PKP4: variants seen among roughly 807,000 people sequenced by gnomAD.
PKP4 encodes the protein plakophilin-4.
Under a neutral mutation model 145.1 loss-of-function variants are expected in PKP4, and 90 were observed. The observed-to-expected ratio is 0.62, with a 90% CI of 0.52 to 0.74. The LOEUF is 0.74. Ranked by LOEUF, PKP4 falls within the 30% of genes least tolerant of loss-of-function variation. The pLI, the probability that PKP4 is intolerant of heterozygous loss-of-function variation, is 0.00. For missense variants in PKP4, 1,340 were observed against 1,482.7 expected, an observed-to-expected ratio of 0.90 and a Z score of 1.58; for synonymous variants, 563 against 577.2, an observed-to-expected ratio of 0.98 and a Z score of 0.35.
intron 2 of PKP4, 59 bp downstream of exon 2, chr2:158,533,375 A>G: frequency 6.3e-7 from 1 of 1,578,312 alleles, no homozygotes; most frequent in Non-Finnish European, 8.7e-7. Context: ...TAAAAAATTA[A>G]TCTTTGGATA....
chr2:158,494,348 TA>T (rs1695375343), intron 1 of PKP4, among the ~76,000 whole-genome samples: 1 of 152,158 alleles, frequency 6.6e-6, no homozygotes, highest in Admixed American at 6.5e-5. Flanking sequence ...TTAGTTGAAA[TA>T]TCAATTGTGC....
At chr2:158,678,992 G>T in intron 21 of PKP4, 1 of 330,404 alleles carries the variant, frequency 3.0e-6, no homozygotes. Context: ...AGTGAGGGAA[G>T]GTTGGTAAGC....
chr2:158,512,183 A>G (rs774546757), intron 1 of PKP4, among the ~76,000 whole-genome samples: 13 of 152,332 alleles, frequency 8.5e-5, no homozygotes, highest in South Asian at 2.1e-4. Flanking sequence ...AGTTATTTCT[A>G]TATATCATTT....
At position 158,579,167 on chromosome 2, in the gene PKP4, A is replaced by T. The variant is rs531000275; in HGVS notation, c.245+1784A>T. ...CAGTGAGAAAATGGCACCACTAAAGATGAGCTCACAGTGAGATAGTATAAA... is the reference window on the plus strand; with the variant it reads ...CAGTGAGAAAATGGCACCACTAAAGTTGAGCTCACAGTGAGATAGTATAAA... On this transcript the variant is annotated intron_variant, in intron 3 of 21. Transcript: ENST00000389759. Among the ~76,000 whole-genome samples, 3 of 152,304 alleles carry T rather than the reference A, an allele frequency of 2.0e-5. No individual in the cohort carries two copies. In the South Asian group the frequency reaches 6.2e-4, roughly 32 times the overall value.
chr2:158,538,206 G>A (rs1453625434), intron 2 of PKP4, among the ~76,000 whole-genome samples: 1 of 152,134 alleles, frequency 6.6e-6, no homozygotes, highest in African/African-American at 2.4e-5. Context: ...ACTTAGATGG[G>A]TCAGAATGCT....
chr2:158,514,077 A>T (rs750566997), intron 1 of PKP4, among the ~76,000 whole-genome samples: 1 of 152,218 alleles, frequency 6.6e-6, no homozygotes, highest in Non-Finnish European at 1.5e-5. Context: ...CAGCATCATA[A>T]TGGCCACAAA....
In PKP4 at chr2:158,625,408, C is replaced by T. The variant is rs912939105; in HGVS notation, c.1134C>T (p.Pro378=). ...ACATTTATGAGAGGATGGTTCCACC[C>T]AGGCCAGACAGCCTGACAGGTGCGT... The part of the protein sequence containing the change: ...QYDIYERMVP[P]RPDSLTGLRS... The change falls in exon 7 of 22, where the codon CCC becomes CCT. Residue 378 remains proline (P), a synonymous_variant. Transcript: ENST00000389759. The T allele has an allele frequency of 1.9e-6, 3 of 1,611,138 alleles. No individual in the cohort carries two copies. The highest frequency in any genetic ancestry group is 2.2e-5 in the South Asian group (2 of 90,912).
At chr2:158,630,819 A>G (rs1036830462) in intron 7 of PKP4, among the ~76,000 whole-genome samples, 2 of 152,254 alleles carry the variant, frequency 1.3e-5, no homozygotes, top group Non-Finnish European at 2.9e-5. Context: ...TTTGATCAGC[A>G]TCATAAAATA....
chr2:158,542,988 T>A (rs1574393569), intron 2 of PKP4, among the ~76,000 whole-genome samples: 1 of 152,178 alleles, frequency 6.6e-6, no homozygotes, highest in Non-Finnish European at 1.5e-5. Flanking sequence ...AAGTGGTAGA[T>A]TTTCTATGTT....
chr2:158,558,381 A>G (rs1382119786), intron 2 of PKP4, among the ~76,000 whole-genome samples: 2 of 152,178 alleles, frequency 1.3e-5, no homozygotes, highest in African/African-American at 2.4e-5. Flanking sequence ...ACAGGATTCT[A>G]TGAAGGAGAC....
At chr2:158,554,396 C>A (rs1228479875) in intron 2 of PKP4, among the ~76,000 whole-genome samples, 2 of 146,422 alleles carry the variant, frequency 1.4e-5, no homozygotes, top group Non-Finnish European at 3.0e-5. Context: ...AGTTCACTTT[C>A]TTAGTATTCA....
At chr2:158,484,176 T>C (rs1004847761) in intron 1 of PKP4, among the ~76,000 whole-genome samples, 1 of 151,852 alleles carries the variant, frequency 6.6e-6, no homozygotes, top group African/African-American at 2.4e-5. Context: ...GCCTCCCGAG[T>C]AGCTGGGACT....
intron 4 of PKP4, among the ~76,000 whole-genome samples, chr2:158,609,037 G>C (rs150481704): frequency 6.6e-6 from 1 of 151,374 alleles, no homozygotes; most frequent in South Asian, 2.1e-4. Flanking sequence ...GGCTGGTCTC[G>C]AACTCCTAAC....
Position 158,492,189 on chromosome 2 carries a change from T to G in PKP4, c.-6+34971T>G, listed in dbSNP as rs570700648. Among the ~76,000 whole-genome samples, 5 of 151,636 alleles carry G rather than the reference T, an allele frequency of 3.3e-5. No homozygotes were observed. In the South Asian group the frequency reaches 8.4e-4, roughly 25 times the overall value. On this transcript the variant is annotated intron_variant, in intron 1 of 21. Transcript: ENST00000389759. ...GTCTACGTTGTGTCACTGCCCTGAT[T>G]GAAAAAAAAAATCTAATGGCCTCAG...
intron 10 of PKP4, 116 bp downstream of exon 10, chr2:158,640,875 T>A (rs891380745): frequency 9.4e-7 from 1 of 1,066,688 alleles, no homozygotes; most frequent in Admixed American, 2.0e-5. Context: ...TTTAAAGGGA[T>A]ATTTTGATAC....
chr2:158,496,008 TCTCA>T (rs1695655852), intron 1 of PKP4, among the ~76,000 whole-genome samples: 1 of 152,022 alleles, frequency 6.6e-6, no homozygotes, highest in African/African-American at 2.4e-5. Flanking sequence ...TGAGATGGAG[TCTCA>T]CTCTGTCACC....
At chr2:158,590,676 A>G (rs1165836025) in intron 3 of PKP4, among the ~76,000 whole-genome samples, 1 of 152,128 alleles carries the variant, frequency 6.6e-6, no homozygotes, top group East Asian at 1.9e-4. Flanking sequence ...TATATCATAA[A>G]TGAACATGAA....
intron 2 of PKP4, among the ~76,000 whole-genome samples, 174 bp from the exon 3 acceptor site, chr2:158,577,097 A>G (rs2047916954): frequency 6.6e-6 from 1 of 152,200 alleles, no homozygotes; most frequent in Admixed American, 6.5e-5. Flanking sequence ...GATTTGAAAA[A>G]GCTAGGAATC....
chr2:158,556,263 C>T (rs970059267), intron 2 of PKP4, among the ~76,000 whole-genome samples: 6 of 152,166 alleles, frequency 3.9e-5, no homozygotes, highest in Non-Finnish European at 7.3e-5. Flanking sequence ...TCATTCAGTA[C>T]ACTAATGGCT....
Sources: allele counts gnomAD v4.1 joint callset (sites outside exome capture counted in the v4.1 genomes callset), GRCh38; gene constraint gnomAD v4.1.1; transcripts MANE v1.5; gene names NCBI Gene and HGNC (gene_info 2026-07-23, HGNC 2026-07-21).